The following PSME4 variants were observed in gnomAD, a reference collection of about 807,000 sequenced individuals.
The protein encoded by PSME4 is proteasome activator subunit 4.
Under a neutral mutation model 253.9 loss-of-function variants are expected in PSME4, and 89 were observed. The observed-to-expected ratio is 0.35, with a 90% CI of 0.30 to 0.42. The LOEUF (loss-of-function observed/expected upper bound fraction) is 0.42. Among genes scored for constraint, PSME4 ranks in the 10% least tolerant of loss-of-function variants. PSME4 has a pLI of 1.00. For missense variants in PSME4, 2,014 were observed against 2,195.2 expected (o/e 0.92, Z 1.65); for synonymous variants, 851 against 759.2 (o/e 1.12, Z -1.99).
intron 17 of PSME4, among the ~76,000 whole-genome samples, chr2:53,921,676 G>A (rs1249871799): frequency 1.1e-4 from 15 of 140,920 alleles, no homozygotes; most frequent in Non-Finnish European, 1.4e-4. Context: ...AGACCATCCC[G>A]GCTAAAACGG....
intron 4 of PSME4, among the ~76,000 whole-genome samples, chr2:53,938,407 C>T (rs1394334689): frequency 6.6e-6 from 1 of 151,008 alleles, no homozygotes; most frequent in Non-Finnish European, 1.5e-5. Flanking sequence ...CCAAAGTGTG[C>T]ATATACACAC....
chr2:53,963,859 G>GA lies in PSME4; in HGVS notation c.242+6683dup, dbSNP rs1385494615. Among the ~76,000 whole-genome samples, 3 of 152,022 alleles carry GA rather than the reference G, an allele frequency of 2.0e-5. No individual in the cohort carries two copies. The East Asian group carries it at 5.8e-4, about 29-fold the overall frequency. On this transcript the variant is annotated intron_variant, in intron 1 of 46. Coordinates refer to ENST00000404125, the MANE Select transcript of PSME4 (RefSeq NM_014614.3). ...TTTTTTAAAAAATTCCTTTTCCTTTGAAGATATATACTGGAAACATTCATG... is the reference window on the plus strand; with the variant it reads ...TTTTTTAAAAAATTCCTTTTCCTTTGAAAGATATATACTGGAAACATTCATG...
At chr2:53,961,555 G>A (rs367595760) in intron 1 of PSME4, among the ~76,000 whole-genome samples, 17 of 152,188 alleles carry the variant, frequency 1.1e-4, no homozygotes, top group East Asian at 7.7e-4. Context: ...ATACATGCCC[G>A]TGGTCCCAGC....
rs533474384 is a variant in PSME4 at position 53,969,178 on chromosome 2, T to C, written c.242+1365A>G. Among the ~76,000 whole-genome samples the C allele has an allele frequency of 5.9e-5, 9 of 152,294 alleles. No homozygotes were observed. The South Asian group carries it at 1.9e-3, about 32-fold the overall frequency. On this transcript the variant is annotated intron_variant, in intron 1 of 46. Coordinates refer to ENST00000404125, the MANE Select transcript of PSME4 (RefSeq NM_014614.3). ...TTTTGACTAAACGTGGTTCTCCCTG[T>C]TGCATTCCTGCTTCTGCCGCCCCTC...
chr2:53,874,068 C>T (rs1385600850), intron 43 of PSME4, among the ~76,000 whole-genome samples: 1 of 152,150 alleles, frequency 6.6e-6, no homozygotes, highest in African/African-American at 2.4e-5. Context: ...CTTAAGCGAT[C>T]CTCCGACCTC....
chr2:53,909,714 C>T lies in PSME4; in HGVS notation c.2572+361G>A, dbSNP rs77926544. On this transcript the variant is annotated intron_variant, in intron 21 of 46. Coordinates refer to ENST00000404125, the MANE Select transcript of PSME4 (RefSeq NM_014614.3). The stretch of plus-strand genomic sequence containing the variant: ...GTGGCTCACGGTTGTAATCCCCCAG[C>T]ACTCTGGGAAGCGGAGGTGGGTAGA... 2.1e-3 allele frequency among the ~76,000 whole-genome samples: 314 copies of T among 152,286 alleles called. 9 individuals are homozygous for T. The East Asian group carries it at 0.057, about 28-fold the overall frequency.
intron 3 of PSME4, among the ~76,000 whole-genome samples, chr2:53,940,952 C>CATATATAA (rs1669391606): frequency 4.2e-5 from 1 of 24,022 alleles, no homozygotes; most frequent in Non-Finnish European, 7.2e-5. Flanking sequence ...TATATATATA[C>CATATATAA]ATATATATAT....
intron 26 of PSME4, among the ~76,000 whole-genome samples, chr2:53,904,547 G>A (rs1340192374): frequency 6.6e-6 from 1 of 152,138 alleles, no homozygotes; most frequent in East Asian, 1.9e-4. Flanking sequence ...GAATTTCCAG[G>A]AGGAACTAAA....
At chr2:53,923,607 A>G (rs933734921) in intron 14 of PSME4, among the ~76,000 whole-genome samples, 188 bp from the exon 15 acceptor site, 2 of 152,214 alleles carry the variant, frequency 1.3e-5, no homozygotes, top group Non-Finnish European at 2.9e-5. Context: ...ATCTTTGCCC[A>G]CGATCCTAAC....
intron 1 of PSME4, among the ~76,000 whole-genome samples, chr2:53,949,858 T>C (rs1213481121): frequency 1.3e-5 from 2 of 152,228 alleles, no homozygotes; most frequent in Non-Finnish European, 2.9e-5. Flanking sequence ...ATAAACTTGA[T>C]ACTTATTTTT....
At chr2:53,897,733 T>A (rs1680207497) in intron 31 of PSME4, 137 bp downstream of exon 31, 3 of 990,914 alleles carry the variant, frequency 3.0e-6, no homozygotes, top group Non-Finnish European at 4.5e-6. Context: ...CATCTCTGAA[T>A]CAACAGGGGG....
chr2:53,951,339 C>T (rs1669982325), intron 1 of PSME4, among the ~76,000 whole-genome samples: 1 of 152,212 alleles, frequency 6.6e-6, no homozygotes, highest in Admixed American at 6.5e-5. Context: ...GCCTTGGCCT[C>T]CCAAAGTGCT....
At position 53,936,816 on chromosome 2, in the gene PSME4, T is replaced by C. The variant is rs754232589; in HGVS notation, c.707A>G (p.Asp236Gly). ...TGAAACCCAAAGGCCAATTAATTCATCAAACCAAAGTCTAAAGAAGAAAAA... is the reference window on the plus strand; with the variant it reads ...TGAAACCCAAAGGCCAATTAATTCACCAAACCAAAGTCTAAAGAAGAAAAA... The part of the protein sequence containing the change: ...LHHKGFKLWF[D>G]ELIGLWVSVQ... The change falls in exon 6 of 47, where the codon GAT becomes GGT. Residue 236 changes from aspartate (D) to glycine (G), a missense_variant. Asp to Gly is a moderately conservative substitution (Grantham distance 94). Coordinates refer to ENST00000404125, the MANE Select transcript of PSME4 (RefSeq NM_014614.3). 7.5e-6 allele frequency: 12 copies of C among 1,595,816 alleles called. No individual in the cohort carries two copies. The highest frequency in any genetic ancestry group is 1.0e-5 in the Non-Finnish European group (12 of 1,171,522).
rs975675705 is a variant in PSME4 at position 53,864,947 on chromosome 2, T to C, written c.*631A>G. 4 of 152,618 alleles carry C rather than the reference T, an allele frequency of 2.6e-5. No individual in the cohort carries two copies. The highest frequency in any genetic ancestry group is 9.6e-5 in the African/African-American group (4 of 41,454). 9.5% of individuals were successfully genotyped at this position (152,618 alleles called of 1,614,324 possible). On this transcript the variant is annotated 3_prime_UTR_variant, in exon 47 of 47. Coordinates refer to ENST00000404125, the MANE Select transcript of PSME4 (RefSeq NM_014614.3). ...AGATTTCTTCACCAAACCCCCAATT[T>C]TTTAGCAACTGGCTCTATTCAGCAC...
intron 1 of PSME4, among the ~76,000 whole-genome samples, chr2:53,956,405 C>G (rs930418567): frequency 6.6e-6 from 1 of 151,588 alleles, no homozygotes; most frequent in Admixed American, 6.6e-5. Context: ...TGGTTAGTGC[C>G]TATAATCCCA....
At chr2:53,912,239 C>T (rs1573271384) in intron 20 of PSME4, among the ~76,000 whole-genome samples, 1 of 152,140 alleles carries the variant, frequency 6.6e-6, no homozygotes, top group African/African-American at 2.4e-5. Context: ...GTGAGCTCTA[C>T]AGGGCCTACT....
At chr2:53,909,938 C>G (rs1667755140) in intron 21 of PSME4, 137 bp downstream of exon 21, 2 of 813,238 alleles carry the variant, frequency 2.5e-6, no homozygotes, top group African/African-American at 1.7e-5. Context: ...TCACCACACT[C>G]CAGCCTGGGA....
chr2:53,906,715 T>C (rs1445940957), intron 25 of PSME4, 22 bp from the exon 26 acceptor site: 4 of 1,593,600 alleles, frequency 2.5e-6, no homozygotes, highest in South Asian at 2.3e-5. Context: ...ATCGCAAACA[T>C]TTACTAAAAT....
At chr2:53,915,584 A>T (rs1211864265) in intron 20 of PSME4, among the ~76,000 whole-genome samples, 1 of 150,960 alleles carries the variant, frequency 6.6e-6, no homozygotes, top group African/African-American at 2.4e-5. Flanking sequence ...AAGTAGAAGA[A>T]AAAAAAAAGA....
Sources: allele counts gnomAD v4.1 joint callset (sites outside exome capture counted in the v4.1 genomes callset), GRCh38; gene constraint gnomAD v4.1.1; transcripts MANE v1.5; gene names NCBI Gene and HGNC (gene_info 2026-07-23, HGNC 2026-07-21).